CTDSPL: variants seen among roughly 807,000 people sequenced by gnomAD.
CTDSPL encodes the protein CTD small phosphatase like.
Under a neutral mutation model 30.5 loss-of-function variants are expected in CTDSPL, and 8 were observed. That is an observed-to-expected ratio of 0.26 (90% CI 0.15 to 0.47). The LOEUF (loss-of-function observed/expected upper bound fraction) is 0.47, where lower values mean the gene tolerates loss of function less well. Ranked by LOEUF, CTDSPL falls within the 20% of genes least tolerant of loss-of-function variation. The pLI is 0.99. For missense variants in CTDSPL, 248 were observed against 366.1 expected (o/e 0.68, Z 2.63); for synonymous variants, 110 against 137.9 (o/e 0.80, Z 1.42).
At position 37,980,827 on chromosome 3, in the gene CTDSPL, A is replaced by G; in HGVS notation, c.791A>G (p.Asp264Gly). ...IPFFEGLSRE[D>G]DVYSMLHRLC... The stretch of plus-strand genomic sequence containing the variant: ...TTCTTTGAGGGCCTGAGCCGGGAGG[A>G]CGACGTGTACAGCATGCTGCACAGA... Residue 264 changes from aspartate (D) to glycine (G), a missense_variant, in exon 8 of 8, where the codon GAC (aspartate) becomes GGC (glycine). Asp to Gly is a moderately conservative substitution (Grantham distance 94, BLOSUM62 -1). Transcript: ENST00000273179. 6.2e-7 allele frequency: 1 copy of G among 1,614,022 alleles called. No individual in the cohort carries two copies. Among genetic ancestry groups the G allele is most frequent in the Non-Finnish European group, 8.5e-7 (1 of 1,180,008 alleles).
At chr3:37,931,851 A>G (rs1246730397) in intron 1 of CTDSPL, among the ~76,000 whole-genome samples, 2 of 152,100 alleles carry the variant, frequency 1.3e-5, no homozygotes, top group East Asian at 3.9e-4. Context: ...TTAAAAAAGA[A>G]TTAAACTAGA....
intron 1 of CTDSPL, among the ~76,000 whole-genome samples, chr3:37,928,993 C>T (rs898236228): frequency 2.6e-5 from 4 of 152,132 alleles, no homozygotes; most frequent in Admixed American, 1.3e-4. Context: ...CATTCTTTTG[C>T]ATGTGGATAT....
At chr3:37,977,375 C>A (rs999256033) in intron 7 of CTDSPL, among the ~76,000 whole-genome samples, 1 of 152,174 alleles carries the variant, frequency 6.6e-6, no homozygotes, top group African/African-American at 2.4e-5. Flanking sequence ...CTTTTGCAAT[C>A]TTAACACGTC....
intron 3 of CTDSPL, among the ~76,000 whole-genome samples, chr3:37,964,032 T>TAAAAAAAAAAAA (rs58061973): frequency 8.7e-5 from 2 of 22,990 alleles, no homozygotes; most frequent in African/African-American, 1.3e-4. Flanking sequence ...TCTCAGTCAC[T>TAAAAAAAAAAAA]AAAAAAAAAA....
At chr3:37,978,049 A>G (rs1699449609) in intron 7 of CTDSPL, among the ~76,000 whole-genome samples, 1 of 152,220 alleles carries the variant, frequency 6.6e-6, no homozygotes, top group Non-Finnish European at 1.5e-5. Flanking sequence ...ATCTATTATA[A>G]AATTCTCCCA....
At chr3:37,908,818 G>A (rs73058915) in intron 1 of CTDSPL, among the ~76,000 whole-genome samples, 4,261 of 152,304 alleles carry the variant, frequency 0.028, 72 homozygotes, top group Middle Eastern at 0.044. Flanking sequence ...TTAAGAGCCA[G>A]TGTACATTGT....
At chr3:37,976,903 A>G (rs1575326518) in intron 7 of CTDSPL, among the ~76,000 whole-genome samples, 1 of 152,108 alleles carries the variant, frequency 6.6e-6, no homozygotes, top group South Asian at 2.1e-4. Flanking sequence ...AGTCTCTGCC[A>G]CATCAGGCCC....
intron 1 of CTDSPL, among the ~76,000 whole-genome samples, chr3:37,888,426 T>C (rs1206857290): frequency 6.6e-6 from 1 of 152,182 alleles, no homozygotes; most frequent in African/African-American, 2.4e-5. Flanking sequence ...CAAGTTAACT[T>C]TTCTTGATGC....
intron 5 of CTDSPL, chr3:37,968,414 A>G (rs1438049495): frequency 3.8e-6 from 1 of 260,176 alleles, no homozygotes; most frequent in Non-Finnish European, 8.0e-6. Flanking sequence ...CTATGAATAA[A>G]GATGCCGTAG....
intron 1 of CTDSPL, among the ~76,000 whole-genome samples, chr3:37,919,516 G>A (rs766836542): frequency 2.6e-5 from 4 of 152,160 alleles, no homozygotes. Context: ...AACCAGAATA[G>A]GAAATAGGTG....
chr3:37,939,949 G>A lies in CTDSPL; in HGVS notation c.80-7108G>A, dbSNP rs751054052. 1.5e-4 allele frequency among the ~76,000 whole-genome samples: 22 copies of A among 143,540 alleles called. 4 individuals are homozygous for A. Among genetic ancestry groups the A allele is most frequent in the Non-Finnish European group, 3.0e-4 (19 of 64,150 alleles). The allele number at this position is 143,540 out of a possible 152,430, so 94.2% of individuals were successfully genotyped here. ...TCTACTAAAAATACAAAAATTAGCCGGGCTTGGTGGCAGGCGCCTGTAGTC... is the reference window on the plus strand; with the variant it reads ...TCTACTAAAAATACAAAAATTAGCCAGGCTTGGTGGCAGGCGCCTGTAGTC... On this transcript the variant is annotated intron_variant, in intron 1 of 7. Coordinates refer to ENST00000273179, the MANE Select transcript of CTDSPL (RefSeq NM_001008392.2).
At chr3:37,871,881 T>C (rs1475489728) in intron 1 of CTDSPL, among the ~76,000 whole-genome samples, 1 of 152,206 alleles carries the variant, frequency 6.6e-6, no homozygotes, top group East Asian at 1.9e-4. Flanking sequence ...GTTTTTTTCC[T>C]TATTTCTTCT....
chr3:37,881,422 G>A (rs148096637), intron 1 of CTDSPL, among the ~76,000 whole-genome samples: 1,784 of 152,114 alleles, frequency 0.012, 18 homozygotes, highest in Non-Finnish European at 0.016. Flanking sequence ...CCAGCTACTC[G>A]GGAGGCTGAG....
chr3:37,971,841 C>A (rs1341169792), intron 6 of CTDSPL, among the ~76,000 whole-genome samples: 3 of 152,188 alleles, frequency 2.0e-5, no homozygotes, highest in Admixed American at 1.3e-4. Context: ...CAGCCAACTG[C>A]TAGAGGCCCC....
At chr3:37,958,655 G>T (rs1699202226) in intron 3 of CTDSPL, among the ~76,000 whole-genome samples, 1 of 152,128 alleles carries the variant, frequency 6.6e-6, no homozygotes, top group African/African-American at 2.4e-5. Flanking sequence ...TAGAATTCTG[G>T]AATAAGATAA....
chr3:37,962,614 T>C (rs1174246148), intron 3 of CTDSPL, among the ~76,000 whole-genome samples: 1 of 152,228 alleles, frequency 6.6e-6, no homozygotes, highest in Non-Finnish European at 1.5e-5. Context: ...TGAACCACTT[T>C]TGGCAGATCT....
chr3:37,909,585 G>A (rs1452370775), intron 1 of CTDSPL, among the ~76,000 whole-genome samples: 2 of 152,220 alleles, frequency 1.3e-5, no homozygotes, highest in Admixed American at 1.3e-4. Flanking sequence ...TGGCATATCT[G>A]GTAACCAACT....
chr3:37,919,107 C>T (rs555566296), intron 1 of CTDSPL, among the ~76,000 whole-genome samples: 8 of 152,250 alleles, frequency 5.3e-5, no homozygotes, highest in African/African-American at 1.7e-4. Flanking sequence ...CAGGGCCTTC[C>T]CCCTACCCCC....
intron 5 of CTDSPL, chr3:37,968,562 T>G (rs1423017577): frequency 4.5e-6 from 1 of 219,782 alleles, no homozygotes; most frequent in African/African-American, 2.3e-5. Flanking sequence ...GGGGGGCTTT[T>G]GTCAGATTTT....
Sources: allele counts gnomAD v4.1 joint callset (sites outside exome capture counted in the v4.1 genomes callset), GRCh38; gene constraint gnomAD v4.1.1; transcripts MANE v1.5; gene names NCBI Gene and HGNC (gene_info 2026-07-23, HGNC 2026-07-21).